PCDHGA4: variants seen among roughly 807,000 people sequenced by gnomAD.
The protein encoded by PCDHGA4 is protocadherin gamma subfamily A, 4, also known as protocadherin gamma-A4.
Under a neutral mutation model 54.6 loss-of-function variants are expected in PCDHGA4, and 38 were observed. The ratio of observed to expected loss-of-function variants is 0.70; its 90% CI spans 0.54 to 0.91. The LOEUF (loss-of-function observed/expected upper bound fraction) is 0.91. Ranked by LOEUF, PCDHGA4 falls within the 40% of genes least tolerant of loss-of-function variation. The pLI is 0.00. For missense variants in PCDHGA4, 1,298 were observed against 1,220.9 expected (o/e 1.06, Z -0.94); for synonymous variants, 511 against 512.9 (o/e 1.00, Z 0.05).
intron 1 of PCDHGA4, among the ~76,000 whole-genome samples, chr5:141,470,528 G>A (rs1446688992): frequency 6.6e-6 from 1 of 152,140 alleles, no homozygotes; most frequent in East Asian, 1.9e-4. Context: ...ATTAAAATAT[G>A]TATCAGGTAA....
intron 1 of PCDHGA4, chr5:141,421,335 G>A (rs2096564985): frequency 1.2e-6 from 2 of 1,613,944 alleles, no homozygotes; most frequent in Non-Finnish European, 8.5e-7. Context: ...GATATTCGGT[G>A]CCAGAAGAGA....
Position 141,431,560 on chromosome 5 carries a change from C to G in PCDHGA4, c.2515-63247C>G, listed in dbSNP as rs751276470. The G allele has an allele frequency of 6.2e-7, 1 of 1,613,986 alleles. No individual in the cohort carries two copies. The highest frequency in any genetic ancestry group is 1.7e-5 in the Admixed American group (1 of 60,016). On this transcript the variant is annotated intron_variant, in intron 1 of 3. Transcript: ENST00000571252. This position sits in a 1 kb window ranked among gnomAD's most constrained non-coding sequence, Gnocchi z 4.8. Reference sequence around the variant, plus strand: ...CGCAGCTGCTTGTAGTCAACGCTACCGACCCTGACGAAGGAGTCAATGCGG... The same window carrying G: ...CGCAGCTGCTTGTAGTCAACGCTACGGACCCTGACGAAGGAGTCAATGCGG...
At chr5:141,423,025 G>A in intron 1 of PCDHGA4, 1 of 1,614,222 alleles carries the variant, frequency 6.2e-7, no homozygotes, top group Non-Finnish European at 8.5e-7. Context: ...CAAAGATTCA[G>A]GCCAGAACGC....
At position 141,491,518 on chromosome 5, in the gene PCDHGA4, A is replaced by G. The variant is rs756813813; in HGVS notation, c.2515-3289A>G. 3 of 1,613,990 alleles carry G rather than the reference A, an allele frequency of 1.9e-6. No individual in the cohort carries two copies. The highest frequency in any genetic ancestry group is 3.3e-5 in the Admixed American group (2 of 60,028). ...GAGCTCGGACGGCACGCTCAAGTAC[A>G]TGGAGGTGACGCTGCGGCCCACAGA... On this transcript the variant is annotated intron_variant, in intron 1 of 3. Transcript: ENST00000571252. This position sits in a 1 kb window ranked among gnomAD's most constrained non-coding sequence, Gnocchi z 6.9.
chr5:141,440,960 A>C (rs1467379261), intron 1 of PCDHGA4: 2 of 152,248 alleles, frequency 1.3e-5, no homozygotes, highest in Non-Finnish European at 2.9e-5. Flanking sequence ...CAAGGCAGAG[A>C]TCACATATGG....
At chr5:141,445,300 TCA>T (rs1443961962) in intron 1 of PCDHGA4, among the ~76,000 whole-genome samples, 1 of 152,202 alleles carries the variant, frequency 6.6e-6, no homozygotes, top group Non-Finnish European at 1.5e-5. Flanking sequence ...TCCATTCTCT[TCA>T]GTTTGTAGGT....
At position 141,489,774 on chromosome 5, in the gene PCDHGA4, C is replaced by T; in HGVS notation, c.2515-5033C>T. The T allele has an allele frequency of 1.2e-6, 2 of 1,614,164 alleles. No homozygotes were observed. Among genetic ancestry groups the T allele is most frequent in the Non-Finnish European group, 8.5e-7 (1 of 1,179,998 alleles). On this transcript the variant is annotated intron_variant, in intron 1 of 3. Transcript: ENST00000571252. The surrounding 1 kb of genome is among the most constrained non-coding windows in gnomAD (Gnocchi z 4.5). The stretch of plus-strand genomic sequence containing the variant: ...ACACTCTAAGCCCCAACAGCCACTT[C>T]TCTCTGAATGTGAAGACCCTAAAAG...
chr5:141,444,238 C>T (rs1011385887), intron 1 of PCDHGA4, among the ~76,000 whole-genome samples: 6 of 125,052 alleles, frequency 4.8e-5, no homozygotes, highest in Non-Finnish European at 9.4e-5. Context: ...ATGGCATGCT[C>T]TCGGCTCACT....
intron 1 of PCDHGA4, chr5:141,400,148 G>A (rs377393833): frequency 2.5e-6 from 4 of 1,614,056 alleles, no homozygotes; most frequent in African/African-American, 2.7e-5. Flanking sequence ...ATCACTGACC[G>A]CCCTGTACCC....
chr5:141,465,125 G>A (rs1003967387), intron 1 of PCDHGA4, among the ~76,000 whole-genome samples: 1 of 151,194 alleles, frequency 6.6e-6, no homozygotes, highest in Non-Finnish European at 1.5e-5. Context: ...GCCTAAATTT[G>A]TAAAAAGTTT....
intron 1 of PCDHGA4, chr5:141,372,455 G>A: frequency 6.2e-7 from 1 of 1,614,060 alleles, no homozygotes; most frequent in South Asian, 1.1e-5. Flanking sequence ...CTCAGGCGGA[G>A]CTACAGTTTC....
At position 141,486,791 on chromosome 5, in the gene PCDHGA4, C is replaced by T. The variant is rs766519569; in HGVS notation, c.2515-8016C>T. 1.8e-5 allele frequency: 29 copies of T among 1,614,108 alleles called. No homozygotes were observed. The highest frequency in any genetic ancestry group is 2.2e-5 in the Non-Finnish European group (26 of 1,180,054). On this transcript the variant is annotated intron_variant, in intron 1 of 3. Coordinates refer to ENST00000571252, the MANE Select transcript of PCDHGA4 (RefSeq NM_018917.4). The surrounding 1 kb of genome is among the most constrained non-coding windows in gnomAD (Gnocchi z 5.0). ...GCAGTTTGAGGTGCAGGCCCGGGAT[C>T]GGGGCAACCCACCCCTTAGCAGCAC...
chr5:141,416,053 A>T (rs2095987443), intron 1 of PCDHGA4: 1 of 181,266 alleles, frequency 5.5e-6, no homozygotes, highest in South Asian at 1.8e-4. Flanking sequence ...CACAACCCAA[A>T]TCCAAGAATA....
At chr5:141,478,333 G>C in intron 1 of PCDHGA4, 5 of 1,613,928 alleles carry the variant, frequency 3.1e-6, no homozygotes, top group Non-Finnish European at 4.2e-6. Flanking sequence ...GAACACCAGG[G>C]CCCTCCTTGC....
At chr5:141,403,074 A>G (rs777613681) in intron 1 of PCDHGA4, 9 of 1,614,088 alleles carry the variant, frequency 5.6e-6, no homozygotes, top group Non-Finnish European at 6.8e-6. Flanking sequence ...GAGACAGAAA[A>G]GGGCTATATT....
At chr5:141,384,942 C>T (rs769507654) in intron 1 of PCDHGA4, 10 of 1,613,874 alleles carry the variant, frequency 6.2e-6, no homozygotes, top group African/African-American at 2.7e-5. Flanking sequence ...TTGAGCCCTC[C>T]GACGGTCCTT....
At chr5:141,428,220 C>T (rs1228544858) in intron 1 of PCDHGA4, 1 of 1,178,786 alleles carries the variant, frequency 8.5e-7, no homozygotes. Flanking sequence ...ACCTAGTCTT[C>T]GCAGACAGCC....
intron 1 of PCDHGA4, chr5:141,394,886 C>CT: frequency 1.9e-6 from 3 of 1,613,890 alleles, no homozygotes; most frequent in Non-Finnish European, 2.5e-6. Context: ...GCCTTACACT[C>CT]TATCTCGTGG....
In PCDHGA4 at chr5:141,413,613, TA is replaced by T. The variant is rs2095659138; in HGVS notation, c.2514+55994del. The T allele has an allele frequency of 4.3e-6, 7 of 1,613,714 alleles. No individual in the cohort carries two copies. The East Asian group carries it at 1.6e-4, about 36-fold the overall frequency. On this transcript the variant is annotated intron_variant, in intron 1 of 3. Transcript: ENST00000571252. Reference sequence around the variant, plus strand: ...AAGCAGAAAATCTAGACGTAAAAATTAATGAAAATGTCGCTGCGGGAATGCG... The same window carrying T: ...AAGCAGAAAATCTAGACGTAAAAATTATGAAAATGTCGCTGCGGGAATGCG...
Sources: allele counts gnomAD v4.1 joint callset (sites outside exome capture counted in the v4.1 genomes callset), GRCh38; gene constraint gnomAD v4.1.1; non-coding constraint Gnocchi (gnomAD v3.1); transcripts MANE v1.5; gene names NCBI Gene and HGNC (gene_info 2026-07-23, HGNC 2026-07-21).